The following TRIM14 variants were observed in gnomAD, a reference collection of about 807,000 sequenced individuals.
TRIM14 encodes the protein tripartite motif-containing protein 14.
Under a neutral mutation model 44.5 loss-of-function variants are expected in TRIM14, and 28 were observed. The ratio of observed to expected loss-of-function variants is 0.63; its 90% confidence interval spans 0.47 to 0.86. TRIM14 has a LOEUF of 0.86. Ranked by LOEUF, TRIM14 falls within the 40% of genes least tolerant of loss-of-function variation. The pLI, the probability that TRIM14 is intolerant of heterozygous loss-of-function variation, is 0.00. For missense variants in TRIM14, 607 were observed against 611.1 expected, an observed-to-expected ratio of 0.99 and a Z score of 0.07; for synonymous variants, 299 against 269.2, an observed-to-expected ratio of 1.11 and a Z score of -1.08.
At chr9:98,057,434 T>C in the TRIM14 span, among the ~76,000 whole-genome samples, 5 of 152,200 alleles carry the variant, frequency 3.3e-5, no homozygotes, top group African/African-American at 1.2e-4. Context: ...ATATGAAATA[T>C]GAAGTGGTTA....
the TRIM14 span, among the ~76,000 whole-genome samples, chr9:98,055,921 G>GA: frequency 6.6e-6 from 1 of 151,866 alleles, no homozygotes; most frequent in East Asian, 1.9e-4. Flanking sequence ...TGTATTTTTA[G>GA]TAGAGACGGG....
intron 1 of TRIM14, among the ~76,000 whole-genome samples, chr9:98,116,301 CAAA>C (rs35650458): frequency 3.7e-4 from 36 of 98,578 alleles, no homozygotes; most frequent in Admixed American, 3.1e-4. Context: ...GACCCTGTCT[CAAA>C]AAAAAAAAAA....
intron 1 of TRIM14, among the ~76,000 whole-genome samples, chr9:98,118,151 T>C: frequency 6.6e-6 from 1 of 152,130 alleles, no homozygotes; most frequent in African/African-American, 2.4e-5. Context: ...CTGTCAGACA[T>C]GAGGGCCTAC....
chr9:98,059,035 T>A, the TRIM14 span, among the ~76,000 whole-genome samples: 7 of 152,104 alleles, frequency 4.6e-5, no homozygotes, highest in Non-Finnish European at 8.8e-5. Context: ...TTTTATTTTT[T>A]TTTTTCAAGA....
intron 2 of TRIM14, among the ~76,000 whole-genome samples, chr9:98,101,418 T>C (rs1281434737): frequency 6.6e-6 from 1 of 151,468 alleles, no homozygotes; most frequent in East Asian, 1.9e-4. Context: ...AATACGACAA[T>C]AGCTATCAAT....
Position 98,095,047 on chromosome 9 carries a change from G to C in TRIM14, c.538-18C>G. The C allele has an allele frequency of 6.2e-7, 1 of 1,606,698 alleles. No homozygotes were observed. Among genetic ancestry groups the C allele is most frequent in the Non-Finnish European group, 8.5e-7 (1 of 1,177,184 alleles). ...GTGTATGCCTGTGTGGGCACACGGG[G>C]GTGAGGGTGGCTCTGGGAGATGCAG... On this transcript the variant is annotated intron_variant, in intron 3 of 5. Transcript: ENST00000341469. The surrounding 1 kb of genome is among the most constrained non-coding windows in gnomAD (Gnocchi z 4.1).
chr9:98,098,170 G>A (rs1468299742), intron 3 of TRIM14, among the ~76,000 whole-genome samples: 2 of 152,212 alleles, frequency 1.3e-5, no homozygotes, highest in African/African-American at 4.8e-5. Context: ...AAAGTGTCTT[G>A]TGAAGGTCCT....
chr9:98,072,162 C>T (rs893316987), intron 6 of TRIM14, among the ~76,000 whole-genome samples: 1 of 152,140 alleles, frequency 6.6e-6, no homozygotes, highest in African/African-American at 2.4e-5. Context: ...CGCAGTGGCC[C>T]CCGTCTGTAA....
the TRIM14 span, among the ~76,000 whole-genome samples, chr9:98,044,101 T>A: frequency 6.6e-6 from 1 of 150,804 alleles, no homozygotes; most frequent in Non-Finnish European, 1.5e-5. Context: ...AGGGCAGCAC[T>A]CCATAGTGTG....
chr9:98,063,409 ATTT>A, the TRIM14 span, among the ~76,000 whole-genome samples: 24 of 148,390 alleles, frequency 1.6e-4, no homozygotes, highest in Non-Finnish European at 2.7e-4. Flanking sequence ...GCCCAGCTAA[ATTT>A]TGTATTTTTA....
At chr9:98,117,765 C>T (rs1686707888) in intron 1 of TRIM14, among the ~76,000 whole-genome samples, 1 of 152,272 alleles carries the variant, frequency 6.6e-6, no homozygotes, top group East Asian at 1.9e-4. Flanking sequence ...AAACTCTGTA[C>T]TTAATCATAT....
At chr9:98,041,931 C>T in the TRIM14 span, among the ~76,000 whole-genome samples, 1 of 151,672 alleles carries the variant, frequency 6.6e-6, no homozygotes, top group African/African-American at 2.4e-5. Flanking sequence ...GATCTGCCCG[C>T]CTTGGCCTCC....
At chr9:98,114,387 G>A (rs183761693) in intron 1 of TRIM14, among the ~76,000 whole-genome samples, 4 of 152,080 alleles carry the variant, frequency 2.6e-5, no homozygotes, top group Admixed American at 2.6e-4. Context: ...AGGCTGGAGT[G>A]CAGTGGCGTA....
intron 6 of TRIM14, chr9:98,075,861 GATA>G (rs1564163007): frequency 6.6e-6 from 1 of 152,112 alleles, no homozygotes; most frequent in East Asian, 1.9e-4. Context: ...GGAAAGAAAT[GATA>G]ATAAAAAGTT....
intron 3 of TRIM14, among the ~76,000 whole-genome samples, chr9:98,096,333 T>C (rs1410325692): frequency 6.6e-6 from 1 of 152,084 alleles, no homozygotes; most frequent in African/African-American, 2.4e-5. Flanking sequence ...AGCGCTGGAA[T>C]GGAGCTGGCC....
intron 2 of TRIM14, among the ~76,000 whole-genome samples, chr9:98,103,002 T>G (rs1356506628): frequency 6.6e-6 from 1 of 152,046 alleles, no homozygotes; most frequent in Non-Finnish European, 1.5e-5. Context: ...CTGGCCAAGA[T>G]GGTGAAACCC....
Position 98,091,582 on chromosome 9 carries a change from G to A in TRIM14, c.793+327C>T, listed in dbSNP as rs1825995284. 2.0e-5 allele frequency among the ~76,000 whole-genome samples: 3 copies of A among 151,988 alleles called. No individual in the cohort carries two copies. In the South Asian group the frequency reaches 6.2e-4, roughly 32 times the overall value. On this transcript the variant is annotated intron_variant, in intron 5 of 5. Transcript: ENST00000341469. ...GTATGTATAGTATGACACCACGTTT[G>A]TAACATAAAAAGATATATTAAATAT...
the TRIM14 span, chr9:98,060,926 G>A: frequency 3.7e-6 from 6 of 1,614,108 alleles, no homozygotes; most frequent in African/African-American, 8.0e-5. Flanking sequence ...GTTCAGCCAT[G>A]ACCAGTACAG....
downstream of TRIM14, among the ~76,000 whole-genome samples, chr9:98,067,800 C>A (rs1174415996): frequency 6.7e-6 from 1 of 148,608 alleles, no homozygotes; most frequent in Non-Finnish European, 1.5e-5. Context: ...CGGCTCACTG[C>A]AACCCTGGCC....
Sources: allele counts gnomAD v4.1 joint callset (sites outside exome capture counted in the v4.1 genomes callset), GRCh38; gene constraint gnomAD v4.1.1; non-coding constraint Gnocchi (gnomAD v3.1); transcripts MANE v1.5; gene names NCBI Gene and HGNC (gene_info 2026-07-23, HGNC 2026-07-21).